SUV39H1: variants seen among roughly 807,000 people sequenced by gnomAD.
SUV39H1 encodes histone-lysine N-methyltransferase SUV39H1.
For missense variants in SUV39H1, 180 were observed against 386.3 expected (o/e 0.47, Z 4.48); for synonymous variants, 141 against 150.5 (o/e 0.94, Z 0.46).
At chrX:48,704,991 T>C (rs946566813) in intron 3 of SUV39H1, among the ~76,000 whole-genome samples, 21 of 111,981 alleles carry the variant, frequency 1.9e-4, no homozygotes, top group Non-Finnish European at 3.4e-4. Context: ...GGGCAGTGGG[T>C]AGTGTGGCCC....
At chrX:48,698,301 T>C (rs1398026065) in intron 1 of SUV39H1, among the ~76,000 whole-genome samples, 1 of 112,144 alleles carries the variant, frequency 8.9e-6, no homozygotes, top group Non-Finnish European at 1.9e-5. Flanking sequence ...CATTTGATTA[T>C]AGCTTGATGT....
At chrX:48,703,315 T>C (rs1557009660) in intron 3 of SUV39H1, among the ~76,000 whole-genome samples, 1 of 111,980 alleles carries the variant, frequency 8.9e-6, no homozygotes, top group African/African-American at 3.3e-5. Flanking sequence ...GTTGCAGCAG[T>C]TCTAATTTAC....
chrX:48,697,831 C>T (rs2062461639), intron 1 of SUV39H1, among the ~76,000 whole-genome samples: 2 of 112,116 alleles, frequency 1.8e-5, no homozygotes, highest in Admixed American at 1.9e-4. Context: ...AAGAATGTGC[C>T]TTGAATCAGA....
chrX:48,699,082 A>T, intron 2 of SUV39H1, 35 bp downstream of exon 2: 1 of 1,176,146 alleles, frequency 8.5e-7, no homozygotes, highest in South Asian at 1.9e-5. Context: ...GGGAGGGGAC[A>T]GGTCACAAGG....
chrX:48,698,224 T>A lies in SUV39H1; in HGVS notation c.20-678T>A, dbSNP rs1271562512. Reference sequence around the variant, plus strand: ...ATAAAGTGGAACTCTTCTGTGAGGCTATTTTATATCTCTATTTCTCCTATT... The same window carrying A: ...ATAAAGTGGAACTCTTCTGTGAGGCAATTTTATATCTCTATTTCTCCTATT... On this transcript the variant is annotated intron_variant, in intron 1 of 5. Coordinates refer to ENST00000376687, the MANE Select transcript of SUV39H1 (RefSeq NM_003173.4). Among the ~76,000 whole-genome samples the A allele has an allele frequency of 3.6e-5, 4 of 112,380 alleles. No homozygotes were observed. In the East Asian group the frequency reaches 1.1e-3, roughly 31 times the overall value.
At chrX:48,696,300 G>C (rs1335837813), upstream of SUV39H1, among the ~76,000 whole-genome samples, 1 of 112,546 alleles carries the variant, frequency 8.9e-6, no homozygotes, top group Non-Finnish European at 1.9e-5. Context: ...CAGCAGTGTG[G>C]ATGGGGGCCG....
In SUV39H1 at chrX:48,707,860, T is replaced by C. The variant is rs1557010427; in HGVS notation, c.*290T>C. On this transcript the variant is annotated 3_prime_UTR_variant, in exon 6 of 6. Transcript: ENST00000376687. ...TCTGTCGTTGGGATTCATGGCCTAT[T>C]AAGGAGGTCCAAGGGGTGAGTCCCA... is the stretch of plus-strand genomic sequence containing the variant. The C allele has an allele frequency of 1.5e-5, 6 of 388,295 alleles. No homozygotes were observed. The South Asian group carries it at 1.6e-4, about 11-fold the overall frequency. 32.0% of individuals were successfully genotyped at this position (388,295 alleles called of 1,213,427 possible). A position where few individuals can be genotyped will look rare whatever the true frequency, so the allele number is the denominator to read the frequency against.
At position 48,708,020 on chromosome X, in the gene SUV39H1, T is replaced by C. The variant is rs2062497415; in HGVS notation, c.*450T>C. 1 of 229,824 alleles carries C rather than the reference T, an allele frequency of 4.4e-6. No homozygotes were observed. Among genetic ancestry groups the C allele is most frequent in the Admixed American group, 6.1e-5 (1 of 16,269 alleles). The allele number at this position is 229,824 out of a possible 1,213,427, so 18.9% of individuals were successfully genotyped here. A position where few individuals can be genotyped will look rare whatever the true frequency, so the allele number is the denominator to read the frequency against. On this transcript the variant is annotated 3_prime_UTR_variant, in exon 6 of 6. Transcript: ENST00000376687. ...AGCAGGCAGACATCAGAGGCCAGAG[T>C]GCCTAGCCCGACATGAAGCTGGTTC...
Position 48,700,071 on chromosome X carries a change from C to A in SUV39H1, c.166-20C>A. 1 of 1,135,718 alleles carries A rather than the reference C, an allele frequency of 8.8e-7. No homozygotes were observed. Among genetic ancestry groups the A allele is most frequent in the East Asian group, 3.2e-5 (1 of 31,677 alleles). 93.6% of individuals were successfully genotyped at this position (1,135,718 alleles called of 1,213,427 possible). On this transcript the variant is annotated intron_variant, in intron 2 of 5. Coordinates refer to ENST00000376687, the MANE Select transcript of SUV39H1 (RefSeq NM_003173.4). The stretch of plus-strand genomic sequence containing the variant: ...TCTCACTACTTACGGTACCCCCGTC[C>A]CCCTACCCACCCCCAACAGGAACAG...
chrX:48,696,424 C>A (rs1215066849), upstream of SUV39H1, among the ~76,000 whole-genome samples: 7 of 111,996 alleles, frequency 6.3e-5, no homozygotes, highest in Non-Finnish European at 9.4e-5. Context: ...GGCTGACTGA[C>A]GGTGATAACA....
intron 3 of SUV39H1, chrX:48,705,337 C>T (rs2062487425): frequency 8.8e-6 from 1 of 113,062 alleles, no homozygotes; most frequent in Admixed American, 9.3e-5. Flanking sequence ...GTGTGCTGTG[C>T]ACTGTTCTTG....
chrX:48,696,951 G>C, intron 1 of SUV39H1, 148 bp downstream of exon 1: 2 of 304,601 alleles, frequency 6.6e-6, no homozygotes, highest in Non-Finnish European at 1.0e-5. Flanking sequence ...CGGGGAGCGC[G>C]GGCCTGGTGC....
chrX:48,700,062 AC>A, intron 2 of SUV39H1, 28 bp from the exon 3 acceptor site: 1 of 1,110,623 alleles, frequency 9.0e-7, no homozygotes, highest in Non-Finnish European at 1.2e-6. Context: ...TACTTACGGT[AC>A]CCCCGTCCCC....
chrX:48,702,274 C>T (rs1156789732), intron 3 of SUV39H1, among the ~76,000 whole-genome samples: 2 of 112,272 alleles, frequency 1.8e-5, no homozygotes, highest in Non-Finnish European at 3.8e-5. Flanking sequence ...ACAGTGACCC[C>T]AGTGACCTGG....
At chrX:48,697,673 G>A (rs1557008872) in intron 1 of SUV39H1, among the ~76,000 whole-genome samples, 2 of 111,599 alleles carry the variant, frequency 1.8e-5, no homozygotes, top group Non-Finnish European at 3.8e-5. Context: ...TACGTTTTTA[G>A]GTTGACATCT....
chrX:48,702,554 C>G (rs1308385977), intron 3 of SUV39H1, among the ~76,000 whole-genome samples: 2 of 111,035 alleles, frequency 1.8e-5, no homozygotes, highest in African/African-American at 3.3e-5. Context: ...AGGACCCAGA[C>G]AGTCCACCGT....
upstream of SUV39H1, chrX:48,696,660 T>G: frequency 2.1e-6 from 2 of 936,078 alleles, no homozygotes; most frequent in Middle Eastern, 3.1e-4. Context: ...GGCTCTCCGG[T>G]TGGTCCGCGC....
At position 48,697,593 on chromosome X, in the gene SUV39H1, A is replaced by G. The variant is rs1250791629; in HGVS notation, c.19+790A>G. Among the ~76,000 whole-genome samples, 3 of 111,748 alleles carry G rather than the reference A, an allele frequency of 2.7e-5. No individual in the cohort carries two copies. The East Asian group carries it at 8.4e-4, about 31-fold the overall frequency. On this transcript the variant is annotated intron_variant, in intron 1 of 5. Transcript: ENST00000376687. ...GGAAAGCGTGGGCACAGGCGGGCTC[A>G]GTCTCCACTTGGTCTTGCCTAAGTA...
rs1434462195 is a variant in SUV39H1 at position 48,700,900 on chromosome X, T to C, written c.828+147T>C. 5.5e-5 allele frequency: 40 copies of C among 721,155 alleles called. 1 individual carries two copies. The highest frequency in any genetic ancestry group is 7.9e-5 in the Non-Finnish European group (38 of 478,212). 59.4% of individuals were successfully genotyped at this position (721,155 alleles called of 1,213,427 possible). ...GACTGATCTGAGTGTCACAGGGACA[T>C]TGGGCAGGGGCTAGTATTCCAAGCT... On this transcript the variant is annotated intron_variant, in intron 3 of 5. Transcript: ENST00000376687.
Sources: gnomAD v4.1 joint callset for allele counts (sites outside exome capture counted in the v4.1 genomes callset) on GRCh38, gnomAD v4.1.1 for gene constraint, MANE v1.5 for transcripts, NCBI Gene and HGNC (gene_info 2026-07-23, HGNC 2026-07-21) for gene names.